The following ANK2 variants were observed in gnomAD, a reference collection of about 807,000 sequenced individuals.
The protein encoded by ANK2 is ankyrin 2.
Under a neutral mutation model 360.5 loss-of-function variants are expected in ANK2, and 83 were observed. The ratio of observed to expected loss-of-function variants is 0.23; its 90% CI spans 0.19 to 0.28. The LOEUF is 0.28. Among genes scored for constraint, ANK2 ranks in the 10% least tolerant of loss-of-function variants. The pLI is 1.00. For missense variants in ANK2, 4,201 were observed against 4,795.7 expected (o/e 0.88, Z 3.66); for synonymous variants, 1,740 against 1,759.5 (o/e 0.99, Z 0.28).
the ANK2 span, among the ~76,000 whole-genome samples, chr4:112,718,504 T>C: frequency 2.6e-5 from 4 of 152,132 alleles, no homozygotes; most frequent in Admixed American, 2.6e-4. Context: ...CATAGAGACA[T>C]GGTTTCACCA....
intron 1 of ANK2, among the ~76,000 whole-genome samples, chr4:112,869,587 A>G (rs1420640372): frequency 1.3e-5 from 2 of 152,130 alleles, no homozygotes; most frequent in Non-Finnish European, 1.5e-5. Context: ...CTAGCTCTCA[A>G]TTTCTTAATA....
At chr4:112,833,077 G>A (rs2060151905) in intron 1 of ANK2, among the ~76,000 whole-genome samples, 1 of 152,216 alleles carries the variant, frequency 6.6e-6, no homozygotes, top group Non-Finnish European at 1.5e-5. Flanking sequence ...CAGTTTGAAA[G>A]GTGGTCTTAC....
At chr4:113,319,408 AT>A (rs1036467803) in intron 26 of ANK2, among the ~76,000 whole-genome samples, 57 of 151,002 alleles carry the variant, frequency 3.8e-4, no homozygotes, top group Admixed American at 1.9e-3. Flanking sequence ...TAAAATTTCT[AT>A]TTTTTATTTA....
chr4:113,276,488 AAGG>A (rs1030479031), intron 15 of ANK2, among the ~76,000 whole-genome samples: 2 of 152,202 alleles, frequency 1.3e-5, no homozygotes, highest in Non-Finnish European at 2.9e-5. Context: ...CTTTAAAGAT[AAGG>A]AGTTTATGTT....
At chr4:113,003,890 G>A (rs191612957) in intron 2 of ANK2, among the ~76,000 whole-genome samples, 1 of 152,258 alleles carries the variant, frequency 6.6e-6, no homozygotes, top group African/African-American at 2.4e-5. Context: ...CCACAAACTT[G>A]TACAGCATGT....
intron 18 of ANK2, among the ~76,000 whole-genome samples, chr4:113,287,118 T>C (rs1348515004): frequency 6.6e-6 from 1 of 152,212 alleles, no homozygotes; most frequent in African/African-American, 2.4e-5. Context: ...TATACCCTCT[T>C]TGGGTGCTGG....
intron 43 of ANK2, among the ~76,000 whole-genome samples, chr4:113,370,826 C>T (rs1412926377): frequency 6.6e-6 from 1 of 152,062 alleles, no homozygotes; most frequent in Non-Finnish European, 1.5e-5. Flanking sequence ...TCACATACGT[C>T]AGAATTGATT....
upstream of ANK2, among the ~76,000 whole-genome samples, chr4:113,049,434 A>G (rs1284150904): frequency 6.6e-6 from 1 of 152,160 alleles, no homozygotes; most frequent in Non-Finnish European, 1.5e-5. Context: ...TGTGTCAGAA[A>G]CCAACCAGCA....
the ANK2 span, among the ~76,000 whole-genome samples, chr4:112,799,347 TG>T: frequency 6.6e-6 from 1 of 152,190 alleles, no homozygotes; most frequent in African/African-American, 2.4e-5. Flanking sequence ...ATAAATGGAA[TG>T]GCTGGATCAT....
chr4:112,881,736 A>G, intron 1 of ANK2: 1 of 600,794 alleles, frequency 1.7e-6, no homozygotes, highest in Admixed American at 2.4e-5. Flanking sequence ...TGCCTCAGTC[A>G]GTGATGATTT....
At chr4:112,989,810 A>G (rs2046141176) in intron 2 of ANK2, among the ~76,000 whole-genome samples, 1 of 152,206 alleles carries the variant, frequency 6.6e-6, no homozygotes, top group South Asian at 2.1e-4. Flanking sequence ...CTTCTAAACC[A>G]AGAAATTACA....
At chr4:112,983,236 A>G (rs2043683444) in intron 2 of ANK2, among the ~76,000 whole-genome samples, 1 of 152,154 alleles carries the variant, frequency 6.6e-6, no homozygotes, top group Non-Finnish European at 1.5e-5. Context: ...TCAGCATATT[A>G]GATTCTTTCT....
At chr4:113,192,938 A>AC (rs2098693565) in intron 2 of ANK2, among the ~76,000 whole-genome samples, 1 of 151,370 alleles carries the variant, frequency 6.6e-6, no homozygotes, top group Non-Finnish European at 1.5e-5. Context: ...AAAAAAAAAA[A>AC]AAACAACCCT....
chr4:112,778,009 A>C, the ANK2 span, among the ~76,000 whole-genome samples: 7 of 151,166 alleles, frequency 4.6e-5, no homozygotes, highest in African/African-American at 1.2e-4. Context: ...TGCTCTTGTC[A>C]TGCAGGCTGG....
chr4:113,189,094 C>G (rs1030914702), intron 2 of ANK2, among the ~76,000 whole-genome samples: 2 of 152,084 alleles, frequency 1.3e-5, no homozygotes, highest in African/African-American at 4.8e-5. Flanking sequence ...AAACAGGAAA[C>G]ACACAAATAC....
chr4:113,338,543 C>CTTTTTTTT (rs71582166), intron 31 of ANK2, among the ~76,000 whole-genome samples: 9 of 96,108 alleles, frequency 9.4e-5, no homozygotes, highest in African/African-American at 2.4e-4. Context: ...AGATTGTTCA[C>CTTTTTTTT]TTTTTTTTTT....
intron 9 of ANK2, among the ~76,000 whole-genome samples, chr4:113,244,466 ATACTTC>A (rs1183455455): frequency 6.6e-6 from 1 of 152,180 alleles, no homozygotes; most frequent in East Asian, 1.9e-4. Flanking sequence ...CATGGTGTAA[ATACTTC>A]TACAGTGGTC....
At chr4:112,778,214 C>T in the ANK2 span, among the ~76,000 whole-genome samples, 9 of 152,134 alleles carry the variant, frequency 5.9e-5, no homozygotes, top group Admixed American at 5.2e-4. Flanking sequence ...AAGTGATCCG[C>T]CTGCCTCAGC....
In ANK2 at chr4:113,358,996, A is replaced by G; in HGVS notation, c.10378A>G (p.Thr3460Ala). The G allele has an allele frequency of 6.2e-7, 1 of 1,614,132 alleles. No individual in the cohort carries two copies. The highest frequency in any genetic ancestry group is 8.5e-7 in the Non-Finnish European group (1 of 1,179,968). ...TTCCTGCAGGGGGGGCACGAGCCCCACAAAAGAAAGTAAGGAGCATTTCTT... is the reference window on the plus strand; with the variant it reads ...TTCCTGCAGGGGGGGCACGAGCCCCGCAAAAGAAAGTAAGGAGCATTTCTT... ...TSSCRGGTSP[T>A]KESKEHFFDL... The change falls in exon 38 of 46, where the codon ACA becomes GCA. Residue 3460 changes from threonine to alanine, a missense_variant. Thr to Ala is a moderately conservative substitution (Grantham distance 58, BLOSUM62 0). Transcript: ENST00000357077.
Sources: gnomAD v4.1 joint callset for allele counts (sites outside exome capture counted in the v4.1 genomes callset) on GRCh38, gnomAD v4.1.1 for gene constraint, MANE v1.5 for transcripts, NCBI Gene and HGNC (gene_info 2026-07-23, HGNC 2026-07-21) for gene names.